The following IL1RAPL1 variants were observed in gnomAD, a reference collection of about 807,000 sequenced individuals.
The protein encoded by IL1RAPL1 is interleukin 1 receptor accessory protein like 1.
Under a neutral mutation model 48.4 loss-of-function variants are expected in IL1RAPL1, and 3 were observed. The ratio of observed to expected loss-of-function variants is 0.06; its 90% CI spans 0.03 to 0.16. The LOEUF (loss-of-function observed/expected upper bound fraction) is 0.16. Ranked by LOEUF, IL1RAPL1 falls within the 10% of genes least tolerant of loss-of-function variation. The pLI, the probability that IL1RAPL1 is intolerant of heterozygous loss-of-function variation, is 1.00. For synonymous variants in IL1RAPL1, 185 were observed against 187.7 expected (o/e 0.99, Z 0.12); for missense variants, 349 against 530.6 (o/e 0.66, Z 3.36).
intron 2 of IL1RAPL1, among the ~76,000 whole-genome samples, chrX:29,002,374 C>T (rs1397282059): frequency 9.0e-6 from 1 of 110,606 alleles, no homozygotes; most frequent in East Asian, 2.8e-4. Flanking sequence ...GTGGTAATTA[C>T]TGCTGGAAGG....
chrX:28,615,050 G>A (rs1050412065), intron 1 of IL1RAPL1, among the ~76,000 whole-genome samples: 11 of 109,198 alleles, frequency 1.0e-4, no homozygotes, highest in African/African-American at 3.3e-5. Flanking sequence ...CACCACGCCC[G>A]GCTACTTTTT....
Position 29,366,391 on chromosome X carries a change from C to T in IL1RAPL1, c.363-29867C>T, listed in dbSNP as rs186635214. 2.2e-4 allele frequency among the ~76,000 whole-genome samples: 24 copies of T among 109,750 alleles called. No homozygotes were observed. The East Asian group carries it at 5.1e-3, about 23-fold the overall frequency. On this transcript the variant is annotated intron_variant, in intron 3 of 10. Coordinates refer to ENST00000378993, the MANE Select transcript of IL1RAPL1 (RefSeq NM_014271.4). ...ATCAAATATTAAAGGTTCTGACAGTCGCAAGGAAGTGATCAATGATATTTG... is the reference window on the plus strand; with the variant it reads ...ATCAAATATTAAAGGTTCTGACAGTTGCAAGGAAGTGATCAATGATATTTG...
chrX:29,280,184 G>C (rs1256186874), intron 2 of IL1RAPL1, among the ~76,000 whole-genome samples: 2 of 111,744 alleles, frequency 1.8e-5, no homozygotes, highest in Non-Finnish European at 3.8e-5. Context: ...ATACAAAACT[G>C]TTTTGATAAA....
chrX:29,500,328 T>G, intron 5 of IL1RAPL1, among the ~76,000 whole-genome samples: 1 of 112,273 alleles, frequency 8.9e-6, no homozygotes, highest in African/African-American at 3.2e-5. Flanking sequence ...AGATTATTGT[T>G]AACTATAGTC....
chrX:28,864,756 ATT>A (rs751518500), intron 2 of IL1RAPL1, among the ~76,000 whole-genome samples: 6 of 111,690 alleles, frequency 5.4e-5, no homozygotes, highest in African/African-American at 2.0e-4. Flanking sequence ...GTCAGTGATC[ATT>A]TAGGGCCTCG....
At chrX:29,814,948 T>A (rs1284849611) in intron 6 of IL1RAPL1, among the ~76,000 whole-genome samples, 2 of 111,721 alleles carry the variant, frequency 1.8e-5, no homozygotes, top group African/African-American at 6.5e-5. Context: ...ATGTGTCTGT[T>A]CTCGTACCAG....
intron 9 of IL1RAPL1, among the ~76,000 whole-genome samples, chrX:29,953,885 A>G (rs1362245636): frequency 1.0e-5 from 1 of 97,471 alleles, no homozygotes; most frequent in Non-Finnish European, 2.3e-5. Context: ...GCATACTGAT[A>G]TCCAAACATA....
intron 6 of IL1RAPL1, among the ~76,000 whole-genome samples, chrX:29,814,829 A>C (rs1197431700): frequency 8.9e-6 from 1 of 111,900 alleles, no homozygotes; most frequent in African/African-American, 3.2e-5. Flanking sequence ...CCATTTATTG[A>C]ATAGGGAGGC....
At chrX:29,366,556 T>C (rs903261591) in intron 3 of IL1RAPL1, among the ~76,000 whole-genome samples, 2 of 21,817 alleles carry the variant, frequency 9.2e-5, no homozygotes, top group Non-Finnish European at 2.5e-4. Flanking sequence ...TAGGTCAATT[T>C]TTTTTTTTTT....
chrX:29,304,256 C>A (rs902622556), intron 3 of IL1RAPL1, among the ~76,000 whole-genome samples: 1 of 110,809 alleles, frequency 9.0e-6, no homozygotes, highest in African/African-American at 3.3e-5. Context: ...GCTTCAATGG[C>A]AACTCTTTTT....
chrX:29,776,838 C>T (rs751678733), intron 6 of IL1RAPL1, among the ~76,000 whole-genome samples: 1 of 111,299 alleles, frequency 9.0e-6, no homozygotes, highest in Non-Finnish European at 1.9e-5. Context: ...AAACAATAGA[C>T]ATTTTTAGTA....
intron 6 of IL1RAPL1, among the ~76,000 whole-genome samples, chrX:29,688,663 A>ATTTT (rs754164660): frequency 6.2e-4 from 69 of 110,792 alleles, no homozygotes; most frequent in Non-Finnish European, 7.2e-4. Flanking sequence ...ACTTAGTAAA[A>ATTTT]GTTCATGAGA....
At chrX:29,294,226 A>C (rs1001871919) in intron 3 of IL1RAPL1, among the ~76,000 whole-genome samples, 2 of 111,019 alleles carry the variant, frequency 1.8e-5, no homozygotes, top group Non-Finnish European at 3.8e-5. Context: ...AGAAAAATTA[A>C]ATAATGAATG....
chrX:29,545,239 CTATT>C (rs1264342117), intron 5 of IL1RAPL1, among the ~76,000 whole-genome samples: 1 of 95,135 alleles, frequency 1.1e-5, no homozygotes, highest in Non-Finnish European at 2.1e-5. Flanking sequence ...ATCTATCTAT[CTATT>C]GGACAACAAA....
chrX:29,637,610 C>A (rs1925015719), intron 5 of IL1RAPL1, among the ~76,000 whole-genome samples: 2 of 111,152 alleles, frequency 1.8e-5, no homozygotes, highest in Admixed American at 1.9e-4. Flanking sequence ...ACAAAGCTTT[C>A]CTTGATCTCT....
intron 5 of IL1RAPL1, among the ~76,000 whole-genome samples, chrX:29,465,109 T>G (rs4829191): frequency 5.4e-5 from 6 of 110,600 alleles, no homozygotes; most frequent in Non-Finnish European, 9.5e-5. Context: ...ATGCAAAATA[T>G]AATCAAAATT....
intron 6 of IL1RAPL1, among the ~76,000 whole-genome samples, chrX:29,836,718 T>C (rs754491981): frequency 9.1e-6 from 1 of 110,412 alleles, no homozygotes; most frequent in South Asian, 3.8e-4. Context: ...CATTGATAGA[T>C]TTTTTTTTCT....
At chrX:29,736,649 C>A (rs748384136) in intron 6 of IL1RAPL1, among the ~76,000 whole-genome samples, 2 of 111,054 alleles carry the variant, frequency 1.8e-5, no homozygotes, top group Non-Finnish European at 3.8e-5. Flanking sequence ...TGGCTTGAAC[C>A]CGGGAGGCAG....
At chrX:29,201,782 C>T (rs1429207882) in intron 2 of IL1RAPL1, among the ~76,000 whole-genome samples, 13 of 110,109 alleles carry the variant, frequency 1.2e-4, no homozygotes, top group Admixed American at 6.8e-4. Flanking sequence ...ACCTCCGCCT[C>T]GCAGGTTCAA....
Sources: gnomAD v4.1 joint callset for allele counts (sites outside exome capture counted in the v4.1 genomes callset) on GRCh38, gnomAD v4.1.1 for gene constraint, MANE v1.5 for transcripts, NCBI Gene and HGNC (gene_info 2026-07-23, HGNC 2026-07-21) for gene names.